Variants in IL27RA observed in about 807,000 individuals in gnomAD.
IL27RA encodes the protein interleukin 27 receptor subunit alpha.
Under a neutral mutation model 80.8 loss-of-function variants are expected in IL27RA, and 61 were observed. The observed-to-expected ratio is 0.76, with a 90% CI of 0.61 to 0.93. IL27RA has a LOEUF of 0.93. Among genes scored for constraint, IL27RA ranks in the 40% least tolerant of loss-of-function variants. The pLI is 0.00. For missense variants in IL27RA, 735 were observed against 808.1 expected, an observed-to-expected ratio of 0.91 and a Z score of 1.10; for synonymous variants, 316 against 332.5, an observed-to-expected ratio of 0.95 and a Z score of 0.54.
intron 2 of IL27RA, among the ~76,000 whole-genome samples, chr19:14,038,952 G>GT (rs1189436414): frequency 6.6e-6 from 1 of 151,342 alleles, no homozygotes; most frequent in Non-Finnish European, 1.5e-5. Flanking sequence ...AAGGGAGAGG[G>GT]AGAGGAAGGG....
Position 14,042,727 on chromosome 19 carries a change from G to C in IL27RA, c.706G>C (p.Val236Leu). 1 of 1,614,160 alleles carries C rather than the reference G, an allele frequency of 6.2e-7. No homozygotes were observed. Among genetic ancestry groups the C allele is most frequent in the Non-Finnish European group, 8.5e-7 (1 of 1,180,024 alleles). The change falls in exon 6 of 14, where the codon GTG becomes CTG. Residue 236 changes from valine to leucine, a missense_variant. Physicochemically the swap from Val to Leu is conservative, Grantham distance 32 (BLOSUM62 1). Transcript: ENST00000263379. ...FQTPPSAPKD[V>L]WVSGNLCGTP... Reference sequence around the variant, plus strand: ...CTCATCCTTGCCAGCTCCAAAAGATGTGTGGGTATCAGGGAACCTCTGTGG... The same window carrying C: ...CTCATCCTTGCCAGCTCCAAAAGATCTGTGGGTATCAGGGAACCTCTGTGG...
At position 14,046,471 on chromosome 19, in the gene IL27RA, G is replaced by A. The variant is rs142872243; in HGVS notation, c.994G>A (p.Ala332Thr). ...APRSVAVSSI[A>T]GSTELLVTWQ... Reference sequence around the variant, plus strand: ...CCGTAGCGTGGCAGTCAGCAGCATCGCTGGGAGCACGGAGCTACTGGTGAC... The same window carrying A: ...CCGTAGCGTGGCAGTCAGCAGCATCACTGGGAGCACGGAGCTACTGGTGAC... Residue 332 changes from alanine to threonine, a missense_variant, in exon 8 of 14, where the codon GCT (alanine) becomes ACT (threonine). Coordinates refer to ENST00000263379, the MANE Select transcript of IL27RA (RefSeq NM_004843.4). 3.8e-5 allele frequency: 61 copies of A among 1,614,006 alleles called. 1 individual carries two copies. The highest frequency in any genetic ancestry group is 3.3e-4 in the Middle Eastern group (2 of 6,084).
intron 2 of IL27RA, among the ~76,000 whole-genome samples, chr19:14,036,705 C>G (rs1166084242): frequency 1.3e-5 from 2 of 152,102 alleles, no homozygotes; most frequent in African/African-American, 4.8e-5. Context: ...CCAGGCTGAT[C>G]TCAAACTCTT....
rs113040256 is a variant in IL27RA at position 14,052,903 on chromosome 19, CAA to C, written c.*628_*629del. The C allele has an allele frequency of 8.8e-4, 79 of 89,724 alleles. No homozygotes were observed. The highest frequency in any genetic ancestry group is 4.7e-3 in the South Asian group (14 of 2,950). 5.6% of individuals were successfully genotyped at this position (89,724 alleles called of 1,614,324 possible). A position where few individuals can be genotyped will look rare whatever the true frequency, so the allele number is the denominator to read the frequency against. On this transcript the variant is annotated 3_prime_UTR_variant, in exon 14 of 14. Transcript: ENST00000263379. ...CAAAAATAAACAAACTAATAAAAAG[CAA>C]AAAAAAAAAAAAAAGAAAAGAAAAA...
rs764606292 is a variant in IL27RA, at chr19:14,052,149, G to C, written c.1770G>C (p.Glu590Asp). 1.9e-6 allele frequency: 3 copies of C among 1,613,056 alleles called. No individual in the cohort carries two copies. The Admixed American group carries it at 5.0e-5, about 27-fold the overall frequency. The change falls in exon 14 of 14, where the codon GAG becomes GAC. Residue 590 changes from glutamate to aspartate, a missense_variant. By Grantham distance (45) the Glu-to-Asp change is conservative. Transcript: ENST00000263379. ...ACTTGCCCATCCTGGAAGTGGAGGA[G>C]ATGGAGCCCCCGCCGGTTATGGAGT... ...LGDLPILEVE[E>D]MEPPPVMESS...
At position 14,046,557 on chromosome 19, in the gene IL27RA, C is replaced by T. The variant is rs761788192; in HGVS notation, c.1080C>T (p.Asp360=). Residue 360 remains aspartate, a synonymous_variant, in exon 8 of 14, where the codon GAC becomes GAT. Coordinates refer to ENST00000263379, the MANE Select transcript of IL27RA (RefSeq NM_004843.4). ...TAGTGGACTGGGCTCGAGATGGGGACCCCCTGGAGAAACTCAACTGGGTCC... is the reference window on the plus strand; with the variant it reads ...TAGTGGACTGGGCTCGAGATGGGGATCCCCTGGAGAAACTCAACTGGGTCC... ...EHVVDWARDG[D]PLEKLNWVRL... 1.2e-6 allele frequency: 2 copies of T among 1,613,854 alleles called. No individual in the cohort carries two copies. Among genetic ancestry groups the T allele is most frequent in the South Asian group, 1.1e-5 (1 of 91,064 alleles).
At chr19:14,038,548 C>T (rs1157052894) in intron 2 of IL27RA, among the ~76,000 whole-genome samples, 1 of 127,038 alleles carries the variant, frequency 7.9e-6, no homozygotes, top group Non-Finnish European at 1.6e-5. Context: ...GCTCCAGTTA[C>T]AGAGTGAGGT....
At chr19:14,043,290 C>A (rs905111128) in intron 6 of IL27RA, among the ~76,000 whole-genome samples, 2 of 152,128 alleles carry the variant, frequency 1.3e-5, no homozygotes, top group Non-Finnish European at 2.9e-5. Context: ...CCAATGTCAG[C>A]TGCTTCCGAG....
chr19:14,035,074 C>T (rs1434878203), intron 2 of IL27RA, among the ~76,000 whole-genome samples: 6 of 150,150 alleles, frequency 4.0e-5, no homozygotes, highest in African/African-American at 1.2e-4. Flanking sequence ...TTCACTGCAG[C>T]GACTTCTCAG....
chr19:14,048,510 CTGTT>C (rs1213002480), intron 8 of IL27RA, among the ~76,000 whole-genome samples: 1 of 152,152 alleles, frequency 6.6e-6, no homozygotes, highest in Non-Finnish European at 1.5e-5. Flanking sequence ...CTGCTCATAT[CTGTT>C]TGACCACCTC....
chr19:14,049,890 T>A (rs1288359011), intron 10 of IL27RA, among the ~76,000 whole-genome samples: 4 of 151,124 alleles, frequency 2.6e-5, no homozygotes, highest in African/African-American at 9.7e-5. Flanking sequence ...TATATAATTT[T>A]AAAAATATAT....
chr19:14,032,263 T>C, intron 1 of IL27RA, 123 bp from the exon 2 acceptor site: 1 of 800,446 alleles, frequency 1.2e-6, no homozygotes, highest in Non-Finnish European at 2.0e-6. Flanking sequence ...GCGCCTCCCT[T>C]CCTGCTGCTC....
At position 14,052,298 on chromosome 19, in the gene IL27RA, G is replaced by A. The variant is rs896660561; in HGVS notation, c.*8G>A. 2.2e-5 allele frequency: 33 copies of A among 1,477,248 alleles called. No homozygotes were observed. The highest frequency in any genetic ancestry group is 1.1e-4 in the South Asian group (8 of 70,362). The allele number at this position is 1,477,248 out of a possible 1,614,324, so 91.5% of individuals were successfully genotyped here. A position where few individuals can be genotyped will look rare whatever the true frequency, so the allele number is the denominator to read the frequency against. On this transcript the variant is annotated 3_prime_UTR_variant, in exon 14 of 14. Coordinates refer to ENST00000263379, the MANE Select transcript of IL27RA (RefSeq NM_004843.4). The stretch of plus-strand genomic sequence containing the variant: ...CCACAGGTTCTGGCCTGAACCACAC[G>A]TCTGGCTGGGGGCTGCCAGCCAGGC...
intron 2 of IL27RA, among the ~76,000 whole-genome samples, chr19:14,038,973 A>C (rs1313831721): frequency 6.6e-6 from 1 of 151,648 alleles, no homozygotes; most frequent in Non-Finnish European, 1.5e-5. Flanking sequence ...AAGGAAAGAA[A>C]GAAAAAGAGA....
chr19:14,036,092 GAAAGAA>G (rs1269673508), intron 2 of IL27RA, among the ~76,000 whole-genome samples: 1 of 144,982 alleles, frequency 6.9e-6, no homozygotes, highest in Non-Finnish European at 1.5e-5. Flanking sequence ...AAAAAAAAAA[GAAAGAA>G]GAAGAAGAAG....
At position 14,051,618 on chromosome 19, in the gene IL27RA, A is replaced by G. The variant is rs749840218; in HGVS notation, c.1540A>G (p.Arg514Gly). ...LRLHLPDNTL[R>G]WKVLPGILFL... ...CCCTACCCTACCAGATAACACCCTG[A>G]GGTGGAAAGTTCTGCCGGGCATCCT... is the stretch of plus-strand genomic sequence containing the variant. Residue 514 changes from arginine to glycine, a missense_variant, in exon 12 of 14, where the codon AGG (arginine) becomes GGG (glycine). Transcript: ENST00000263379. The G allele has an allele frequency of 3.1e-6, 5 of 1,606,918 alleles. No homozygotes were observed. Among genetic ancestry groups the G allele is most frequent in the Non-Finnish European group, 4.3e-6 (5 of 1,174,836 alleles).
chr19:14,046,427 C>T lies in IL27RA; in HGVS notation c.953-3C>T. 2.5e-6 allele frequency: 4 copies of T among 1,614,142 alleles called. No homozygotes were observed. The highest frequency in any genetic ancestry group is 2.5e-6 in the Non-Finnish European group (3 of 1,180,034). On this transcript the variant is annotated splice_region_variant and splice_polypyrimidine_tract_variant and intron_variant, in intron 7 of 13. Coordinates refer to ENST00000263379, the MANE Select transcript of IL27RA (RefSeq NM_004843.4). ...GCAGCTGAGACTTCTCTCCACCCTC[C>T]AGATTCAGCCTCTGCCCCCCGTAGC...
chr19:14,033,296 A>G (rs919168289), intron 2 of IL27RA, among the ~76,000 whole-genome samples: 3 of 150,504 alleles, frequency 2.0e-5, no homozygotes, highest in Non-Finnish European at 3.0e-5. Context: ...GGGAGGTTTC[A>G]CCATGTTGGC....
At chr19:14,045,493 G>A (rs898953112) in intron 6 of IL27RA, among the ~76,000 whole-genome samples, 2 of 150,516 alleles carry the variant, frequency 1.3e-5, no homozygotes, top group African/African-American at 4.9e-5. Flanking sequence ...CCCAGGTACT[G>A]GGGAGGCTGA....
Sources: gnomAD v4.1 joint callset for allele counts (sites outside exome capture counted in the v4.1 genomes callset) on GRCh38, gnomAD v4.1.1 for gene constraint, MANE v1.5 for transcripts, NCBI Gene and HGNC (gene_info 2026-07-23, HGNC 2026-07-21) for gene names.